The following GRM7 variants were observed in gnomAD, a reference collection of about 807,000 sequenced individuals.
The protein encoded by GRM7 is metabotropic glutamate receptor 7.
Under a neutral mutation model 84.5 loss-of-function variants are expected in GRM7, and 35 were observed. That is an observed-to-expected ratio of 0.41 (90% confidence interval 0.32 to 0.55). The LOEUF (loss-of-function observed/expected upper bound fraction) is 0.55. Among genes scored for constraint, GRM7 ranks in the 20% least tolerant of loss-of-function variants. The pLI, the probability that GRM7 is intolerant of heterozygous loss-of-function variation, is 0.19. For synonymous variants in GRM7, 487 were observed against 455.1 expected, an observed-to-expected ratio of 1.07 and a Z score of -0.89; for missense variants, 1,003 against 1,194.6, an observed-to-expected ratio of 0.84 and a Z score of 2.36.
At chr3:6,890,906 C>T (rs1574976010) in intron 1 of GRM7, among the ~76,000 whole-genome samples, 2 of 152,180 alleles carry the variant, frequency 1.3e-5, no homozygotes, top group South Asian at 4.1e-4. Context: ...CTTTATGAAC[C>T]TGGGTGCTCC....
intron 7 of GRM7, among the ~76,000 whole-genome samples, chr3:7,518,066 G>C (rs1286741430): frequency 6.6e-6 from 1 of 152,180 alleles, no homozygotes; most frequent in Non-Finnish European, 1.5e-5. Context: ...CCACTACGGT[G>C]AGGATAATTC....
intron 4 of GRM7, among the ~76,000 whole-genome samples, chr3:7,344,149 C>G (rs185995444): frequency 9.9e-5 from 15 of 151,840 alleles, no homozygotes; most frequent in Admixed American, 9.2e-4. Context: ...CATAGGTAAA[C>G]TTGTGACATG....
rs867664019 is a variant in GRM7, at chr3:7,166,079, G to A, written c.736+19411G>A. ...TTCATTGATTTGGCTAAGGGTTATG[G>A]TGTCAGTTTCAGAATTAAAGAAACT... On this transcript the variant is annotated intron_variant, in intron 2 of 9. Transcript: ENST00000357716. 5.9e-5 allele frequency among the ~76,000 whole-genome samples: 9 copies of A among 152,092 alleles called. No homozygotes were observed. The South Asian group carries it at 6.2e-4, about 11-fold the overall frequency.
At chr3:7,092,555 T>C (rs1288638947) in intron 1 of GRM7, among the ~76,000 whole-genome samples, 1 of 150,818 alleles carries the variant, frequency 6.6e-6, no homozygotes, top group Admixed American at 6.6e-5. Flanking sequence ...TCTTATTGTT[T>C]GTTCTTTATG....
At chr3:7,577,885 C>T (rs1695040215) in intron 7 of GRM7, among the ~76,000 whole-genome samples, 1 of 152,096 alleles carries the variant, frequency 6.6e-6, no homozygotes, top group Admixed American at 6.5e-5. Context: ...GAGAAGGTGG[C>T]CAGCACTGCA....
At chr3:7,300,421 C>G (rs1156393082) in intron 3 of GRM7, among the ~76,000 whole-genome samples, 1 of 152,188 alleles carries the variant, frequency 6.6e-6, no homozygotes, top group Non-Finnish European at 1.5e-5. Context: ...ATGAGGATTA[C>G]TTGCTTCTTA....
intron 4 of GRM7, among the ~76,000 whole-genome samples, chr3:7,365,657 A>T (rs1269291748): frequency 6.9e-6 from 1 of 145,250 alleles, no homozygotes; most frequent in East Asian, 2.0e-4. Flanking sequence ...GTATATATAT[A>T]TATATATACA....
intron 9 of GRM7, among the ~76,000 whole-genome samples, chr3:7,735,705 G>A (rs1204412951): frequency 6.6e-6 from 1 of 152,076 alleles, no homozygotes; most frequent in African/African-American, 2.4e-5. Flanking sequence ...TTTAGATGGG[G>A]CAGGTGATTT....
At chr3:7,001,783 A>G (rs1384307154) in intron 1 of GRM7, among the ~76,000 whole-genome samples, 1 of 152,208 alleles carries the variant, frequency 6.6e-6, no homozygotes, top group Non-Finnish European at 1.5e-5. Flanking sequence ...AATCTATTAT[A>G]AAACTTTGTT....
chr3:7,024,064 C>G (rs1204347351), intron 1 of GRM7, among the ~76,000 whole-genome samples: 1 of 152,190 alleles, frequency 6.6e-6, no homozygotes, highest in Admixed American at 6.5e-5. Context: ...CAACTCGGTT[C>G]AAGTGGCTCC....
chr3:7,722,976 C>T (rs1702004720), intron 9 of GRM7, among the ~76,000 whole-genome samples: 1 of 152,054 alleles, frequency 6.6e-6, no homozygotes, highest in Non-Finnish European at 1.5e-5. Flanking sequence ...AGACAGGAGG[C>T]TTCAAATTTT....
At chr3:7,062,478 G>C (rs751935479) in intron 1 of GRM7, among the ~76,000 whole-genome samples, 1 of 151,840 alleles carries the variant, frequency 6.6e-6, no homozygotes, top group South Asian at 2.1e-4. Context: ...TGTGTATTTA[G>C]CTATAAAGGA....
intron 9 of GRM7, among the ~76,000 whole-genome samples, chr3:7,726,781 T>C (rs968405997): frequency 1.3e-5 from 2 of 150,066 alleles, no homozygotes; most frequent in African/African-American, 2.4e-5. Context: ...CTCAATATCA[T>C]TTCTCATCCA....
At chr3:7,568,487 C>G (rs566982133) in intron 7 of GRM7, among the ~76,000 whole-genome samples, 1 of 152,236 alleles carries the variant, frequency 6.6e-6, no homozygotes. Flanking sequence ...CCTTGGCGCC[C>G]ACTCTGGCCA....
At chr3:7,233,544 GATATA>G (rs899949108) in intron 2 of GRM7, among the ~76,000 whole-genome samples, 1 of 152,020 alleles carries the variant, frequency 6.6e-6, no homozygotes, top group African/African-American at 2.4e-5. Context: ...AATCTGAGGA[GATATA>G]ATAAAAGTCT....
chr3:6,999,829 A>G (rs954460074), intron 1 of GRM7, among the ~76,000 whole-genome samples: 3 of 152,214 alleles, frequency 2.0e-5, no homozygotes, highest in Admixed American at 1.3e-4. Context: ...ATTACCTCCC[A>G]TTGGATGCCT....
intron 2 of GRM7, among the ~76,000 whole-genome samples, chr3:7,203,995 G>A (rs1453717242): frequency 6.6e-6 from 1 of 152,122 alleles, no homozygotes; most frequent in Non-Finnish European, 1.5e-5. Context: ...AGGAAGATGT[G>A]ATAGCTGAGA....
At chr3:7,161,808 C>T (rs531473825) in intron 2 of GRM7, among the ~76,000 whole-genome samples, 11 of 152,192 alleles carry the variant, frequency 7.2e-5, no homozygotes, top group South Asian at 4.1e-4. Flanking sequence ...GTGAGATGAA[C>T]GGGAGTAAAC....
chr3:7,381,583 C>G (rs1174750609), intron 4 of GRM7, among the ~76,000 whole-genome samples: 2 of 151,962 alleles, frequency 1.3e-5, no homozygotes, highest in Non-Finnish European at 2.9e-5. Context: ...GATGTATATC[C>G]AAAGAGCCGC....
Sources: gnomAD v4.1 joint callset for allele counts (sites outside exome capture counted in the v4.1 genomes callset) on GRCh38, gnomAD v4.1.1 for gene constraint, MANE v1.5 for transcripts, NCBI Gene and HGNC (gene_info 2026-07-23, HGNC 2026-07-21) for gene names.